Variants in CREBRF observed in about 807,000 individuals in gnomAD.
CREBRF encodes UPF0474 protein C5orf41.
CREBRF carries 5 observed loss-of-function variants against 66.1 expected under a neutral mutation model. That is an observed-to-expected ratio of 0.08 (90% confidence interval 0.04 to 0.16). CREBRF has a LOEUF of 0.16. Ranked by LOEUF, CREBRF falls within the 10% of genes least tolerant of loss-of-function variation. The probability of loss-of-function intolerance (pLI) is 1.00; values close to 1 mark genes in which losing one functional copy is unlikely to be tolerated. For missense variants in CREBRF, 531 were observed against 744.9 expected, an observed-to-expected ratio of 0.71 and a Z score of 3.34; for synonymous variants, 229 against 264.4, an observed-to-expected ratio of 0.87 and a Z score of 1.30.
At position 173,090,444 on chromosome 5, in the gene CREBRF, G is replaced by C; in HGVS notation, c.265G>C (p.Glu89Gln). Residue 89 changes from glutamate to glutamine, a missense_variant, in exon 4 of 9, where the codon GAA becomes CAA. Physicochemically the swap from Glu to Gln is conservative, Grantham distance 29 (BLOSUM62 2). This residue lies in a region of CREBRF where 133 missense variants were observed against 215.6 expected (regional missense o/e 0.62). Coordinates refer to ENST00000296953, the MANE Select transcript of CREBRF (RefSeq NM_153607.3). The surrounding 1 kb of genome is among the most constrained non-coding windows in gnomAD (Gnocchi z 4.5). ...DNEGALTSNWEQWDTYCEDLT... is the reference protein window; with the variant it reads ...DNEGALTSNWQQWDTYCEDLT... ...TGAGGGTGCTTTAACCTCAAACTGG[G>C]AACAGTGGGATACATACTGTGAAGA... is the stretch of plus-strand genomic sequence containing the variant. The C allele has an allele frequency of 6.2e-7, 1 of 1,614,020 alleles. No homozygotes were observed. Among genetic ancestry groups the C allele is most frequent in the African/African-American group, 1.3e-5 (1 of 75,034 alleles).
At chr5:173,068,441 C>A (rs1482016881) in intron 1 of CREBRF, among the ~76,000 whole-genome samples, 1 of 152,140 alleles carries the variant, frequency 6.6e-6, no homozygotes, top group African/African-American at 2.4e-5. Flanking sequence ...TTTCATATGG[C>A]TCAGATTGTC....
intron 4 of CREBRF, chr5:173,091,635 TTTTA>T: frequency 8.2e-7 from 1 of 1,212,552 alleles, no homozygotes; most frequent in Non-Finnish European, 1.0e-6. Flanking sequence ...TTTTTTATTA[TTTTA>T]TTTCTTATTT....
At chr5:173,093,172 G>A (rs1222971088) in intron 4 of CREBRF, among the ~76,000 whole-genome samples, 2 of 152,108 alleles carry the variant, frequency 1.3e-5, no homozygotes, top group African/African-American at 4.8e-5. Flanking sequence ...AAGGGAAATG[G>A]CAAATGTGGG....
At chr5:173,103,639 A>G (rs1274133087) in intron 4 of CREBRF, among the ~76,000 whole-genome samples, 2 of 152,200 alleles carry the variant, frequency 1.3e-5, no homozygotes, top group Non-Finnish European at 2.9e-5. Flanking sequence ...AGTTTCAGGA[A>G]AGGTGCAAAA....
chr5:173,112,833 A>T (rs756345136), intron 7 of CREBRF, among the ~76,000 whole-genome samples: 18 of 152,180 alleles, frequency 1.2e-4, no homozygotes, highest in Non-Finnish European at 2.2e-4. Context: ...TAGGCTTCGT[A>T]TGAATAATTC....
intron 7 of CREBRF, 47 bp downstream of exon 7, chr5:173,112,426 T>C: frequency 1.6e-6 from 2 of 1,257,830 alleles, no homozygotes; most frequent in South Asian, 2.7e-5. Flanking sequence ...ATTGATTTGC[T>C]GACCACTCTC....
chr5:173,078,447 A>G (rs901216071), intron 1 of CREBRF, among the ~76,000 whole-genome samples: 1 of 151,594 alleles, frequency 6.6e-6, no homozygotes, highest in Non-Finnish European at 1.5e-5. Flanking sequence ...TCTCATTTAC[A>G]AAAAGGTTTA....
rs761261754 is a variant in CREBRF at position 173,091,417 on chromosome 5, C to T, written c.1222+16C>T. The stretch of plus-strand genomic sequence containing the variant: ...TCTGAACCAGGTATTATAATGCTTG[C>T]AAGCTTACCAGACTGACCTTTGTAT... On this transcript the variant is annotated intron_variant, in intron 4 of 8. Coordinates refer to ENST00000296953, the MANE Select transcript of CREBRF (RefSeq NM_153607.3). 3 of 1,609,618 alleles carry T rather than the reference C, an allele frequency of 1.9e-6. No homozygotes were observed. The highest frequency in any genetic ancestry group is 2.2e-5 in the East Asian group (1 of 44,814).
At chr5:173,072,838 A>G (rs1393205513) in intron 1 of CREBRF, among the ~76,000 whole-genome samples, 8 of 152,158 alleles carry the variant, frequency 5.3e-5, no homozygotes, top group Non-Finnish European at 1.2e-4. Flanking sequence ...GTTGAAAAAG[A>G]GGGAAGGGCA....
At chr5:173,099,539 A>G (rs1449071784) in intron 4 of CREBRF, among the ~76,000 whole-genome samples, 2 of 152,216 alleles carry the variant, frequency 1.3e-5, no homozygotes, top group African/African-American at 4.8e-5. Context: ...GCCACTCTAT[A>G]TCATTTTACT....
chr5:173,128,185 T>G (rs1479418471), intron 8 of CREBRF, among the ~76,000 whole-genome samples: 1 of 152,202 alleles, frequency 6.6e-6, no homozygotes, highest in Non-Finnish European at 1.5e-5. Flanking sequence ...TTTATTGTTT[T>G]CTGAATACTT....
intron 4 of CREBRF, 132 bp downstream of exon 4, chr5:173,091,533 T>C (rs779833108): frequency 3.5e-5 from 51 of 1,467,130 alleles, no homozygotes; most frequent in Non-Finnish European, 4.6e-5. Flanking sequence ...AAACCTTGGA[T>C]TGGATATGTA....
At position 173,106,732 on chromosome 5, in the gene CREBRF, C is replaced by CTATTTTATTTTATTT. The variant is rs70984940; in HGVS notation, c.1223-1872_1223-1858dup. Among the ~76,000 whole-genome samples, 822 of 148,256 alleles carry CTATTTTATTTTATTT rather than the reference C, an allele frequency of 5.5e-3. 5 individuals are homozygous for CTATTTTATTTTATTT. The highest frequency in any genetic ancestry group is 0.01 in the Middle Eastern group (3 of 288). ...TGATCACCCCCGAAAATTCCCTCTT[C>CTATTTTATTTTATTT]TATTTTATTTTATTTTATTTTATTT... On this transcript the variant is annotated intron_variant, in intron 4 of 8. Transcript: ENST00000296953.
chr5:173,078,658 A>C (rs1052974306), intron 1 of CREBRF, among the ~76,000 whole-genome samples: 1 of 150,306 alleles, frequency 6.7e-6, no homozygotes, highest in Non-Finnish European at 1.5e-5. Context: ...TCCCGGGTTC[A>C]CACCATTCTC....
chr5:173,102,196 T>C (rs1758645397), intron 4 of CREBRF, among the ~76,000 whole-genome samples: 1 of 152,228 alleles, frequency 6.6e-6, no homozygotes, highest in Non-Finnish European at 1.5e-5. Flanking sequence ...GAATTCTTTG[T>C]TAGGAAGTTC....
intron 1 of CREBRF, among the ~76,000 whole-genome samples, chr5:173,060,674 A>G (rs983917812): frequency 6.6e-6 from 1 of 151,948 alleles, no homozygotes; most frequent in Non-Finnish European, 1.5e-5. Context: ...ACGAGACATA[A>G]ATTTGTCAGA....
chr5:173,108,804 A>G lies in CREBRF; in HGVS notation c.1403A>G (p.Asn468Ser). ...DTLPSNMYQKNGLHHGKYAVK... is the reference protein window; with the variant it reads ...DTLPSNMYQKSGLHHGKYAVK... ...TTGCCAAGTAATATGTATCAGAAAA[A>G]TGGCTTACATCATGGTAAGAGGGGA... The change falls in exon 5 of 9, where the codon AAT (asparagine) becomes AGT (serine). Residue 468 changes from asparagine (N) to serine (S), a missense_variant. Asn to Ser is a conservative substitution (Grantham distance 46). Transcript: ENST00000296953. 1 of 1,611,740 alleles carries G rather than the reference A, an allele frequency of 6.2e-7. No individual in the cohort carries two copies. The highest frequency in any genetic ancestry group is 8.5e-7 in the Non-Finnish European group (1 of 1,179,386).
chr5:173,077,119 A>G lies in CREBRF; in HGVS notation c.-191-3466A>G, dbSNP rs572144454. ...CCACCATGTCCAGCTAATTTTTTGT[A>G]TTTTTAGTAGAGACGGGGTTTCACC... On this transcript the variant is annotated intron_variant, in intron 1 of 8. Coordinates refer to ENST00000296953, the MANE Select transcript of CREBRF (RefSeq NM_153607.3). Among the ~76,000 whole-genome samples, 3 of 151,146 alleles carry G rather than the reference A, an allele frequency of 2.0e-5. No individual in the cohort carries two copies. The South Asian group carries it at 6.3e-4, about 32-fold the overall frequency.
intron 1 of CREBRF, among the ~76,000 whole-genome samples, chr5:173,079,847 G>A (rs13154824): frequency 0.012 from 1,784 of 152,292 alleles, 20 homozygotes; most frequent in Non-Finnish European, 0.02. Flanking sequence ...CCTGGTTAAA[G>A]TCTTCATGGA....
Sources: gnomAD v4.1 joint callset for allele counts (sites outside exome capture counted in the v4.1 genomes callset) on GRCh38, gnomAD v4.1.1 for gene constraint, gnomAD v4.1.1 regional missense constraint, Gnocchi (gnomAD v3.1) non-coding constraint, MANE v1.5 for transcripts, NCBI Gene and HGNC (gene_info 2026-07-23, HGNC 2026-07-21) for gene names.